Variants in TTLL5 observed in about 807,000 individuals in gnomAD.
The protein encoded by TTLL5 is tubulin tyrosine ligase like 5, also known as tubulin polyglutamylase TTLL5.
A neutral mutation model predicts 168.4 loss-of-function variants in TTLL5; 132 were observed. The observed-to-expected ratio is 0.78, with a 90% CI of 0.68 to 0.91. TTLL5 has a LOEUF of 0.91. Among genes scored for constraint, TTLL5 ranks in the 40% least tolerant of loss-of-function variants. The pLI is 0.00. For synonymous variants in TTLL5, 546 were observed against 558.6 expected (o/e 0.98, Z 0.32); for missense variants, 1,545 against 1,581.5 (o/e 0.98, Z 0.39).
rs116578247 is a variant in TTLL5 at position 75,670,318 on chromosome 14, A to C, written c.181+796A>C. Among the ~76,000 whole-genome samples, 217 of 152,096 alleles carry C rather than the reference A, an allele frequency of 1.4e-3. 1 individual carries two copies. Among genetic ancestry groups the C allele is most frequent in the African/African-American group, 5.1e-3 (212 of 41,498 alleles). Reference sequence around the variant, plus strand: ...GGCCTTAAGCAATCCTGCCTTGGTTACATGCATAATCCACTGTGTCTGGCC... The same window carrying C: ...GGCCTTAAGCAATCCTGCCTTGGTTCCATGCATAATCCACTGTGTCTGGCC... On this transcript the variant is annotated intron_variant, in intron 3 of 31. Transcript: ENST00000298832.
intron 28 of TTLL5, among the ~76,000 whole-genome samples, chr14:75,845,539 C>T (rs750347889): frequency 3.3e-5 from 5 of 152,142 alleles, no homozygotes; most frequent in Non-Finnish European, 7.3e-5. Context: ...AGAATCTGTG[C>T]TGTAAGTTGT....
At chr14:75,863,950 A>C in intron 29 of TTLL5, 88 bp downstream of exon 29, 1 of 1,247,410 alleles carries the variant, frequency 8.0e-7, no homozygotes, top group Non-Finnish European at 1.0e-6. Context: ...GTGAATGAGA[A>C]ATGTAGGATT....
chr14:75,885,049 C>G (rs891320182), intron 30 of TTLL5, among the ~76,000 whole-genome samples: 57 of 151,528 alleles, frequency 3.8e-4, no homozygotes, highest in Non-Finnish European at 6.8e-4. Context: ...GGCAGGCACC[C>G]GAGTGGTACC....
chr14:75,895,683 A>G (rs1430001816), intron 30 of TTLL5, among the ~76,000 whole-genome samples: 1 of 152,218 alleles, frequency 6.6e-6, no homozygotes, highest in African/African-American at 2.4e-5. Flanking sequence ...ACTGCACTCA[A>G]AAATAAACTC....
At chr14:75,797,360 G>A (rs1451497115) in intron 27 of TTLL5, among the ~76,000 whole-genome samples, 1 of 151,610 alleles carries the variant, frequency 6.6e-6, no homozygotes, top group African/African-American at 2.4e-5. Context: ...TGATCATATT[G>A]GCAAACAGCA....
intron 31 of TTLL5, among the ~76,000 whole-genome samples, chr14:75,943,200 C>T (rs2034666526): frequency 6.6e-6 from 1 of 152,120 alleles, no homozygotes; most frequent in African/African-American, 2.4e-5. Flanking sequence ...ATGACCCCGT[C>T]ACTGGATCAC....
chr14:75,663,723 C>T (rs1221842511), intron 2 of TTLL5, among the ~76,000 whole-genome samples: 2 of 152,124 alleles, frequency 1.3e-5, no homozygotes, highest in African/African-American at 4.8e-5. Context: ...TGTCCATTGA[C>T]CCACACTGCT....
intron 18 of TTLL5, among the ~76,000 whole-genome samples, chr14:75,754,564 C>T (rs1191191607): frequency 6.6e-6 from 1 of 152,108 alleles, no homozygotes; most frequent in African/African-American, 2.4e-5. Flanking sequence ...TTCTGGGGAC[C>T]ACTGCATTAG....
At chr14:75,871,957 C>T (rs1365096510) in intron 29 of TTLL5, among the ~76,000 whole-genome samples, 2 of 152,198 alleles carry the variant, frequency 1.3e-5, no homozygotes, top group Non-Finnish European at 2.9e-5. Context: ...CTAATTATTT[C>T]ATTTTAGTAA....
intron 12 of TTLL5, among the ~76,000 whole-genome samples, chr14:75,731,879 A>G (rs1011955082): frequency 6.6e-6 from 1 of 152,184 alleles, no homozygotes; most frequent in African/African-American, 2.4e-5. Context: ...TTCTAGAGAA[A>G]TGCCTTCAGG....
chr14:75,672,656 T>A (rs1003103931), intron 3 of TTLL5, among the ~76,000 whole-genome samples: 3 of 152,236 alleles, frequency 2.0e-5, no homozygotes, highest in African/African-American at 7.2e-5. Flanking sequence ...GCTGGCCTCA[T>A]AGAATGGGTT....
chr14:75,916,156 G>A (rs996829661), intron 31 of TTLL5, among the ~76,000 whole-genome samples: 1 of 149,730 alleles, frequency 6.7e-6, no homozygotes, highest in Non-Finnish European at 1.5e-5. Flanking sequence ...GATGAGGGGA[G>A]GAGAGGGAGG....
At chr14:75,733,918 C>G (rs1447438754) in intron 13 of TTLL5, 71 bp from the exon 14 acceptor site, 12 of 1,430,960 alleles carry the variant, frequency 8.4e-6, no homozygotes, top group African/African-American at 1.4e-5. Context: ...TATATTGGGA[C>G]CCATCAGAGG....
intron 18 of TTLL5, chr14:75,757,750 C>T: frequency 1.6e-6 from 2 of 1,265,940 alleles, no homozygotes; most frequent in Non-Finnish European, 2.1e-6. Context: ...TTAAAAATTT[C>T]TGGAGTGCAT....
chr14:75,740,494 A>G (rs1232820518), intron 15 of TTLL5, among the ~76,000 whole-genome samples: 1 of 152,088 alleles, frequency 6.6e-6, no homozygotes, highest in Non-Finnish European at 1.5e-5. Flanking sequence ...TGGTTTGGGT[A>G]AGTTTTGTTT....
intron 27 of TTLL5, among the ~76,000 whole-genome samples, chr14:75,806,832 GT>G: frequency 6.6e-6 from 1 of 152,026 alleles, no homozygotes; most frequent in Admixed American, 6.6e-5. Context: ...TTTTTCACCA[GT>G]TTTTTCCCAG....
At chr14:75,808,770 G>A (rs1595075850) in intron 27 of TTLL5, among the ~76,000 whole-genome samples, 2 of 152,016 alleles carry the variant, frequency 1.3e-5, no homozygotes, top group East Asian at 3.9e-4. Context: ...AATTGATCCA[G>A]TCATATTCTT....
intron 26 of TTLL5, among the ~76,000 whole-genome samples, chr14:75,792,337 C>A (rs1016421111): frequency 6.6e-6 from 1 of 150,508 alleles, no homozygotes; most frequent in Non-Finnish European, 1.5e-5. Flanking sequence ...CAAACCTGCA[C>A]GTTGTGCACA....
intron 31 of TTLL5, among the ~76,000 whole-genome samples, chr14:75,913,592 G>A (rs1180382573): frequency 2.0e-5 from 3 of 151,986 alleles, no homozygotes; most frequent in Non-Finnish European, 2.9e-5. Context: ...AAATAATAAG[G>A]TGACAAATAA....
Sources: gnomAD v4.1 joint callset for allele counts (sites outside exome capture counted in the v4.1 genomes callset) on GRCh38, gnomAD v4.1.1 for gene constraint, MANE v1.5 for transcripts, NCBI Gene and HGNC (gene_info 2026-07-23, HGNC 2026-07-21) for gene names.